The following MAPKAPK3 variants were observed in gnomAD, a reference collection of about 807,000 sequenced individuals.
MAPKAPK3 encodes MAP kinase-activated protein kinase 3.
In MAPKAPK3, 35 loss-of-function variants were observed where a neutral mutation model predicts 49.2. The observed-to-expected ratio is 0.71, with a 90% CI of 0.54 to 0.94. The LOEUF is 0.94. Among genes scored for constraint, MAPKAPK3 ranks in the 40% least tolerant of loss-of-function variants. The pLI is 0.00. For synonymous variants in MAPKAPK3, 178 were observed against 188.7 expected, an observed-to-expected ratio of 0.94 and a Z score of 0.46; for missense variants, 398 against 493.1, an observed-to-expected ratio of 0.81 and a Z score of 1.83.
At chr3:50,626,957 C>T (rs1248703796) in intron 2 of MAPKAPK3, among the ~76,000 whole-genome samples, 1 of 152,128 alleles carries the variant, frequency 6.6e-6, no homozygotes, top group African/African-American at 2.4e-5. Context: ...CTTTGGGAGG[C>T]TGACGCGGGT....
At chr3:50,630,238 G>C (rs772137576) in intron 2 of MAPKAPK3, among the ~76,000 whole-genome samples, 42 of 151,350 alleles carry the variant, frequency 2.8e-4, no homozygotes, top group Non-Finnish European at 5.2e-4. Context: ...AAGCATCCCA[G>C]TTGGCAGTGA....
chr3:50,646,718 C>G (rs866697195), intron 8 of MAPKAPK3, 22 bp from the exon 9 acceptor site: 1 of 1,609,920 alleles, frequency 6.2e-7, no homozygotes, highest in African/African-American at 1.3e-5. Context: ...CATCTCTCCC[C>G]TCTCTTCCCT....
chr3:50,633,291 G>A (rs999929376), intron 2 of MAPKAPK3, among the ~76,000 whole-genome samples: 5 of 151,928 alleles, frequency 3.3e-5, no homozygotes, highest in African/African-American at 1.2e-4. Flanking sequence ...TGTTCTCTGC[G>A]AGTTCAAAGT....
At chr3:50,637,028 A>G (rs2033057751) in intron 2 of MAPKAPK3, among the ~76,000 whole-genome samples, 1 of 152,174 alleles carries the variant, frequency 6.6e-6, no homozygotes, top group South Asian at 2.1e-4. Context: ...GGGTTCCTAA[A>G]TATGGACTCA....
At chr3:50,626,401 T>C (rs2032743736) in intron 2 of MAPKAPK3, among the ~76,000 whole-genome samples, 1 of 152,164 alleles carries the variant, frequency 6.6e-6, no homozygotes, top group Admixed American at 6.5e-5. Context: ...CTCAAGACTC[T>C]CTAGCTGGCA....
chr3:50,638,926 G>A (rs559950482), intron 2 of MAPKAPK3, among the ~76,000 whole-genome samples: 1 of 152,352 alleles, frequency 6.6e-6, no homozygotes, highest in East Asian at 1.9e-4. Context: ...TCCTCCATTA[G>A]GAAACACAGT....
At chr3:50,644,062 A>G (rs1280495294) in intron 5 of MAPKAPK3, among the ~76,000 whole-genome samples, 2 of 152,176 alleles carry the variant, frequency 1.3e-5, no homozygotes, top group African/African-American at 2.4e-5. Flanking sequence ...GCTTGGCAAT[A>G]CTGACTTATG....
chr3:50,641,633 A>C, intron 3 of MAPKAPK3, 74 bp from the exon 4 acceptor site: 1 of 1,225,694 alleles, frequency 8.2e-7, no homozygotes, highest in East Asian at 2.3e-5. Flanking sequence ...GCCTGGGCCT[A>C]TGATTTGGGG....
At chr3:50,617,891 CAT>C in intron 2 of MAPKAPK3, 107 bp downstream of exon 2, 1 of 825,744 alleles carries the variant, frequency 1.2e-6, no homozygotes, top group Non-Finnish European at 2.0e-6. Context: ...TGCTCAGCAA[CAT>C]GTTTCATCGT....
intron 2 of MAPKAPK3, among the ~76,000 whole-genome samples, chr3:50,636,370 C>T (rs1322286356): frequency 6.6e-6 from 1 of 152,228 alleles, no homozygotes; most frequent in African/African-American, 2.4e-5. Flanking sequence ...ATAAAGTACT[C>T]CAAACAGAGC....
intron 2 of MAPKAPK3, among the ~76,000 whole-genome samples, chr3:50,638,595 T>C (rs984464507): frequency 6.6e-6 from 1 of 152,160 alleles, no homozygotes; most frequent in African/African-American, 2.4e-5. Context: ...TGGCTCTCTG[T>C]ATTCCTTGCA....
At chr3:50,635,666 C>T (rs2033019573) in intron 2 of MAPKAPK3, among the ~76,000 whole-genome samples, 1 of 151,614 alleles carries the variant, frequency 6.6e-6, no homozygotes, top group African/African-American at 2.4e-5. Flanking sequence ...ACACCTGCCT[C>T]AGCCTCCCAA....
chr3:50,620,291 A>C (rs547581037), intron 2 of MAPKAPK3, among the ~76,000 whole-genome samples: 1 of 152,236 alleles, frequency 6.6e-6, no homozygotes, highest in East Asian at 1.9e-4. Flanking sequence ...CTCATGATGG[A>C]TCACAGTCCT....
At chr3:50,621,041 C>T (rs551835639) in intron 2 of MAPKAPK3, among the ~76,000 whole-genome samples, 3 of 152,224 alleles carry the variant, frequency 2.0e-5, no homozygotes, top group Non-Finnish European at 2.9e-5. Context: ...GTGAGTCACA[C>T]GGTTTGAAGT....
chr3:50,635,350 G>A (rs1318285838), intron 2 of MAPKAPK3, among the ~76,000 whole-genome samples: 1 of 146,956 alleles, frequency 6.8e-6, no homozygotes, highest in Non-Finnish European at 1.5e-5. Flanking sequence ...GAGAAAGTTT[G>A]CCAGGTTGTC....
chr3:50,645,587 C>T (rs558301641), intron 6 of MAPKAPK3, 123 bp from the exon 7 acceptor site: 2 of 685,748 alleles, frequency 2.9e-6, no homozygotes, highest in South Asian at 3.5e-5. Flanking sequence ...TGCCAGACGC[C>T]AGTCTGCTCT....
rs1234361182 is a variant in MAPKAPK3, at chr3:50,641,711, G to A, written c.364G>A (p.Glu122Lys). 1 of 1,613,972 alleles carries A rather than the reference G, an allele frequency of 6.2e-7. No individual in the cohort carries two copies. The highest frequency in any genetic ancestry group is 8.5e-7 in the Non-Finnish European group (1 of 1,179,822). ...RCLLIIMECM[E>K]GGELFSRIQE... is the part of the protein sequence containing the mutation. ...TTATAGTCACCTCTTTTACAGCATG[G>A]AAGGTGGTGAGTTGTTCAGCAGGAT... The change falls in exon 4 of 11, where the codon GAA (glutamate) becomes AAA (lysine). Residue 122 changes from glutamate (E) to lysine (K), a missense_variant. Coordinates refer to ENST00000621469, the MANE Select transcript of MAPKAPK3 (RefSeq NM_001243925.2).
intron 2 of MAPKAPK3, among the ~76,000 whole-genome samples, chr3:50,626,708 C>T (rs3792328): frequency 0.77 from 117,759 of 152,078 alleles, 46,847 homozygotes; most frequent in Middle Eastern, 0.89. Context: ...GGCACAAACA[C>T]TGCAGAATCA....
rs9869309 is a variant in MAPKAPK3, at chr3:50,639,144, G to A, written c.220-1222G>A. 2.7e-3 allele frequency among the ~76,000 whole-genome samples: 412 copies of A among 152,320 alleles called. 1 individual carries two copies. The highest frequency in any genetic ancestry group is 9.5e-3 in the African/African-American group (394 of 41,560). ...GCAAGGATCCTGATGCCCGCCCACT[G>A]GATGCTTGCCTTGGCTGGGATGCAC... On this transcript the variant is annotated intron_variant, in intron 2 of 10. Transcript: ENST00000621469.
Sources: allele counts gnomAD v4.1 joint callset (sites outside exome capture counted in the v4.1 genomes callset), GRCh38; gene constraint gnomAD v4.1.1; transcripts MANE v1.5; gene names NCBI Gene and HGNC (gene_info 2026-07-23, HGNC 2026-07-21).